The following RIMS2 variants were observed in gnomAD, a reference collection of about 807,000 sequenced individuals.
RIMS2 encodes regulating synaptic membrane exocytosis protein 2.
In RIMS2, 59 loss-of-function variants were observed where a neutral mutation model predicts 174.4. That is an observed-to-expected ratio of 0.34 (90% CI 0.27 to 0.42). The LOEUF (loss-of-function observed/expected upper bound fraction) is 0.42. Among genes scored for constraint, RIMS2 ranks in the 10% least tolerant of loss-of-function variants. RIMS2 has a pLI of 1.00. For synonymous variants in RIMS2, 606 were observed against 572.5 expected, an observed-to-expected ratio of 1.06 and a Z score of -0.84; for missense variants, 1,620 against 1,666.3, an observed-to-expected ratio of 0.97 and a Z score of 0.48.
chr8:103,813,493 G>C (rs144293436), intron 3 of RIMS2, among the ~76,000 whole-genome samples: 197 of 151,994 alleles, frequency 1.3e-3, no homozygotes, highest in African/African-American at 4.4e-3. Context: ...ATGTTGGTGT[G>C]CTGCACCCAT....
At chr8:103,600,133 A>T (rs1293826266) in intron 1 of RIMS2, among the ~76,000 whole-genome samples, 1 of 152,142 alleles carries the variant, frequency 6.6e-6, no homozygotes, top group Admixed American at 6.5e-5. Flanking sequence ...CCCACAAATG[A>T]GTGAGAACAT....
chr8:104,078,900 C>T (rs1176079446), intron 19 of RIMS2, among the ~76,000 whole-genome samples: 2 of 152,070 alleles, frequency 1.3e-5, no homozygotes, highest in African/African-American at 4.8e-5. Flanking sequence ...AATTAGCTGT[C>T]TTAGCCATGA....
intron 19 of RIMS2, among the ~76,000 whole-genome samples, chr8:104,192,119 C>T (rs930550041): frequency 2.6e-5 from 4 of 152,090 alleles, no homozygotes; most frequent in African/African-American, 9.7e-5. Context: ...GTTCTCTCAA[C>T]TGCAGGCAGT....
intron 1 of RIMS2, among the ~76,000 whole-genome samples, chr8:103,619,595 C>G (rs1255872651): frequency 6.6e-6 from 1 of 151,944 alleles, no homozygotes; most frequent in Non-Finnish European, 1.5e-5. Flanking sequence ...AAAGAAAGAG[C>G]AGTAAAATAA....
chr8:103,605,579 C>T (rs1365451347), intron 1 of RIMS2, among the ~76,000 whole-genome samples: 1 of 151,696 alleles, frequency 6.6e-6, no homozygotes, highest in Non-Finnish European at 1.5e-5. Flanking sequence ...GGAATGGTAC[C>T]AGTTCCTCCT....
intron 1 of RIMS2, among the ~76,000 whole-genome samples, chr8:103,522,740 T>A (rs1250311298): frequency 6.6e-6 from 1 of 152,168 alleles, no homozygotes; most frequent in Non-Finnish European, 1.5e-5. Flanking sequence ...AACCTTAATT[T>A]CTGAATGGCT....
At chr8:103,671,048 A>G (rs932557438) in intron 1 of RIMS2, among the ~76,000 whole-genome samples, 6 of 152,160 alleles carry the variant, frequency 3.9e-5, no homozygotes, top group Non-Finnish European at 7.3e-5. Flanking sequence ...GTGCCTGGGG[A>G]TGCCTCACAA....
At chr8:103,835,496 C>T (rs1005912150) in intron 3 of RIMS2, among the ~76,000 whole-genome samples, 3 of 152,142 alleles carry the variant, frequency 2.0e-5, no homozygotes, top group Non-Finnish European at 2.9e-5. Flanking sequence ...TCATCTTCCT[C>T]GAAGAATCAG....
At chr8:104,215,919 G>C (rs931412796) in intron 19 of RIMS2, among the ~76,000 whole-genome samples, 4 of 152,142 alleles carry the variant, frequency 2.6e-5, no homozygotes, top group African/African-American at 9.7e-5. Context: ...TTATGGGCAG[G>C]GTAGAGAAAC....
chr8:103,844,881 A>T lies in RIMS2; in HGVS notation c.699-40417A>T, dbSNP rs117340613. Among the ~76,000 whole-genome samples the T allele has an allele frequency of 8.4e-3, 1,280 of 152,176 alleles. 7 individuals carry two copies. Among genetic ancestry groups the T allele is most frequent in the Admixed American group, 0.019 (288 of 15,262 alleles). Reference sequence around the variant, plus strand: ...TCTTTCTGTTTGCCACTCAGTAAAAATATTCAGTTTTTAAAGAGAATATTA... The same window carrying T: ...TCTTTCTGTTTGCCACTCAGTAAAATTATTCAGTTTTTAAAGAGAATATTA... On this transcript the variant is annotated intron_variant, in intron 3 of 23. Transcript: ENST00000504942.
chr8:103,601,509 T>C (rs927008362), intron 1 of RIMS2, among the ~76,000 whole-genome samples: 7 of 152,204 alleles, frequency 4.6e-5, no homozygotes, highest in Non-Finnish European at 8.8e-5. Context: ...TGGTTTCCAT[T>C]GGCATGGAAT....
At chr8:104,029,245 T>A (rs1597387120) in intron 19 of RIMS2, among the ~76,000 whole-genome samples, 1 of 152,150 alleles carries the variant, frequency 6.6e-6, no homozygotes, top group Non-Finnish European at 1.5e-5. Context: ...TGCATGCTGT[T>A]TTATTAGCAA....
chr8:104,184,934 A>AGG (rs1563615142), intron 19 of RIMS2, among the ~76,000 whole-genome samples: 2 of 40,962 alleles, frequency 4.9e-5, no homozygotes, highest in Non-Finnish European at 7.5e-5. Context: ...AGGGAAGAAA[A>AGG]AGAGAAATTT....
chr8:103,557,272 CCTTAT>C (rs980666458), intron 1 of RIMS2, among the ~76,000 whole-genome samples: 3 of 151,966 alleles, frequency 2.0e-5, no homozygotes, highest in African/African-American at 7.3e-5. Flanking sequence ...GATAGAACTA[CCTTAT>C]CTTAACACTG....
intron 19 of RIMS2, among the ~76,000 whole-genome samples, chr8:104,144,093 A>G (rs1484317406): frequency 2.0e-5 from 3 of 152,014 alleles, no homozygotes; most frequent in African/African-American, 4.8e-5. Context: ...CTTGTGTTTC[A>G]CTTGCTTTGT....
At position 103,676,354 on chromosome 8, in the gene RIMS2, C is replaced by A. The variant is rs572554429; in HGVS notation, c.177-20732C>A. On this transcript the variant is annotated intron_variant, in intron 1 of 23. Coordinates refer to ENST00000504942, the Ensembl canonical transcript of RIMS2. ...TAAAATTACTGAGCTCAGGGTAGAG[C>A]CCCTTAAGGAATAGGGCAAAGAAAG... Among the ~76,000 whole-genome samples the A allele has an allele frequency of 3.3e-5, 5 of 152,250 alleles. No homozygotes were observed. In the South Asian group the frequency reaches 1.0e-3, roughly 32 times the overall value.
intron 1 of RIMS2, among the ~76,000 whole-genome samples, chr8:103,569,176 A>G (rs2132271839): frequency 6.6e-6 from 1 of 152,286 alleles, no homozygotes; most frequent in Non-Finnish European, 1.5e-5. Context: ...TGGCTTTGAC[A>G]TTTAGGTCTT....
chr8:103,915,890 T>G (rs1266911434), intron 7 of RIMS2, among the ~76,000 whole-genome samples: 1 of 152,010 alleles, frequency 6.6e-6, no homozygotes, highest in Non-Finnish European at 1.5e-5. Context: ...CAACATAGTT[T>G]AGAATAAACT....
chr8:104,188,341 C>T (rs1007333466), intron 19 of RIMS2, among the ~76,000 whole-genome samples: 1 of 151,442 alleles, frequency 6.6e-6, no homozygotes, highest in African/African-American at 2.4e-5. Context: ...CTATCCAGAG[C>T]TTAAAAATTT....
Sources: gnomAD v4.1 joint callset for allele counts (sites outside exome capture counted in the v4.1 genomes callset) on GRCh38, gnomAD v4.1.1 for gene constraint, MANE v1.5 for transcripts, NCBI Gene and HGNC (gene_info 2026-07-23, HGNC 2026-07-21) for gene names.